ST3GAL1: variants seen among roughly 807,000 people sequenced by gnomAD.
The protein encoded by ST3GAL1 is ST3 beta-galactoside alpha-2,3-sialyltransferase 1.
A neutral mutation model predicts 34.1 loss-of-function variants in ST3GAL1; 16 were observed. That is an observed-to-expected ratio of 0.47 (90% CI 0.32 to 0.71). The LOEUF (loss-of-function observed/expected upper bound fraction) is 0.71. Among genes scored for constraint, ST3GAL1 ranks in the 30% least tolerant of loss-of-function variants. The pLI is 0.04. For missense variants in ST3GAL1, 353 were observed against 447.4 expected, an observed-to-expected ratio of 0.79 and a Z score of 1.90; for synonymous variants, 191 against 184.7, an observed-to-expected ratio of 1.03 and a Z score of -0.28.
At chr8:133,565,135 T>C (rs1052626470) in intron 1 of ST3GAL1, among the ~76,000 whole-genome samples, 3 of 147,586 alleles carry the variant, frequency 2.0e-5, no homozygotes, top group Non-Finnish European at 4.5e-5. Context: ...TCAAATGAGA[T>C]AACAGCTCTG....
chr8:133,509,612 G>A (rs12678658), intron 2 of ST3GAL1, among the ~76,000 whole-genome samples: 2,888 of 152,348 alleles, frequency 0.019, 135 homozygotes, highest in East Asian at 0.18. Flanking sequence ...ACATGCCAGT[G>A]GGAGATCACA....
chr8:133,566,250 AAC>A (rs754056809), intron 1 of ST3GAL1, among the ~76,000 whole-genome samples: 4 of 152,174 alleles, frequency 2.6e-5, no homozygotes, highest in Non-Finnish European at 5.9e-5. Context: ...ATGCTCCCCC[AAC>A]ACAGTCATTA....
chr8:133,504,394 A>C (rs1817272653), intron 2 of ST3GAL1, among the ~76,000 whole-genome samples: 1 of 152,190 alleles, frequency 6.6e-6, no homozygotes, highest in East Asian at 1.9e-4. Context: ...ACCAAAACTC[A>C]ATCCAATCCA....
intron 2 of ST3GAL1, among the ~76,000 whole-genome samples, chr8:133,540,321 C>T (rs1366161879): frequency 6.6e-6 from 1 of 152,190 alleles, no homozygotes; most frequent in Non-Finnish European, 1.5e-5. Context: ...TGAACGACTG[C>T]CAGGTTGTCC....
At chr8:133,547,933 A>C (rs1482351045) in intron 1 of ST3GAL1, among the ~76,000 whole-genome samples, 1 of 152,156 alleles carries the variant, frequency 6.6e-6, no homozygotes, top group Non-Finnish European at 1.5e-5. Flanking sequence ...GCTCTTTTAG[A>C]GGGAGAGACA....
chr8:133,541,086 T>TATAGACATATATATAGAC (rs1818504215), intron 2 of ST3GAL1, among the ~76,000 whole-genome samples: 1 of 101,546 alleles, frequency 9.8e-6, no homozygotes, highest in Non-Finnish European at 1.9e-5. Flanking sequence ...TATAGACATA[T>TATAGACATATATATAGAC]ATATATAAAC....
At chr8:133,462,127 G>T in intron 8 of ST3GAL1, 133 bp from the exon 9 acceptor site, 2 of 1,329,580 alleles carry the variant, frequency 1.5e-6, no homozygotes, top group Non-Finnish European at 2.1e-6. Flanking sequence ...GCACTTGTGG[G>T]CTTCCATGCT....
chr8:133,473,391 T>G (rs555307115), intron 5 of ST3GAL1, among the ~76,000 whole-genome samples: 1 of 152,318 alleles, frequency 6.6e-6, no homozygotes, highest in East Asian at 1.9e-4. Flanking sequence ...AAGTTTCTCC[T>G]TTACCTGCTG....
chr8:133,532,428 C>A (rs1818182320), intron 2 of ST3GAL1, among the ~76,000 whole-genome samples: 1 of 151,928 alleles, frequency 6.6e-6, no homozygotes, highest in African/African-American at 2.4e-5. Flanking sequence ...CCACTGCACT[C>A]CAGCCTGGGT....
At chr8:133,526,132 CA>C (rs908929193) in intron 2 of ST3GAL1, among the ~76,000 whole-genome samples, 1 of 152,232 alleles carries the variant, frequency 6.6e-6, no homozygotes, top group Non-Finnish European at 1.5e-5. Context: ...TTTCAGCTCA[CA>C]AAGGTAGCCA....
intron 1 of ST3GAL1, among the ~76,000 whole-genome samples, chr8:133,550,997 C>T (rs1563738643): frequency 6.6e-6 from 1 of 152,164 alleles, no homozygotes; most frequent in African/African-American, 2.4e-5. Context: ...ATAGCTTTTC[C>T]TCTCCATGCA....
At chr8:133,529,507 A>G (rs2131041760) in intron 2 of ST3GAL1, among the ~76,000 whole-genome samples, 1 of 152,280 alleles carries the variant, frequency 6.6e-6, no homozygotes, top group African/African-American at 2.4e-5. Flanking sequence ...GAAGGTGAGG[A>G]CGCCAGGCGA....
At chr8:133,505,412 T>A (rs1433172489) in intron 2 of ST3GAL1, among the ~76,000 whole-genome samples, 2 of 152,142 alleles carry the variant, frequency 1.3e-5, no homozygotes, top group Admixed American at 6.5e-5. Flanking sequence ...GTAGAAATGA[T>A]GTAAACATGA....
At chr8:133,465,849 C>T (rs1319635436) in intron 6 of ST3GAL1, 45 bp downstream of exon 6, 1 of 1,579,154 alleles carries the variant, frequency 6.3e-7, no homozygotes, top group Non-Finnish European at 8.6e-7. Context: ...TCCAAGGGGC[C>T]CCTGGGTGCA....
chr8:133,494,011 AGT>A (rs925724154), intron 3 of ST3GAL1, among the ~76,000 whole-genome samples: 1 of 152,066 alleles, frequency 6.6e-6, no homozygotes, highest in Non-Finnish European at 1.5e-5. Flanking sequence ...AGCATGTCTG[AGT>A]GTGTGTGTGT....
intron 3 of ST3GAL1, among the ~76,000 whole-genome samples, chr8:133,485,838 T>C (rs1220098342): frequency 2.0e-5 from 3 of 151,418 alleles, no homozygotes; most frequent in Non-Finnish European, 4.4e-5. Context: ...CCACAAGGGG[T>C]GGGGGGCTGT....
At position 133,455,792 on chromosome 8, in the gene ST3GAL1, G is replaced by C. The variant is rs1439708201; in HGVS notation, c.*3972C>G. The C allele has an allele frequency of 1.4e-5, 2 of 146,394 alleles. No homozygotes were observed. Among genetic ancestry groups the C allele is most frequent in the African/African-American group, 5.0e-5 (2 of 39,758 alleles). 9.1% of individuals were successfully genotyped at this position (146,394 alleles called of 1,614,324 possible). A position where few individuals can be genotyped will look rare whatever the true frequency, so the allele number is the denominator to read the frequency against. ...TGATCCTTGCCAGCGGAGGGAGAGAGAGTTATCTTGGTTTCCTTTCACTTG... is the reference window on the plus strand; with the variant it reads ...TGATCCTTGCCAGCGGAGGGAGAGACAGTTATCTTGGTTTCCTTTCACTTG... On this transcript the variant is annotated 3_prime_UTR_variant, in exon 10 of 10. Transcript: ENST00000522652.
At chr8:133,478,959 G>C (rs1224967941) in intron 3 of ST3GAL1, among the ~76,000 whole-genome samples, 4 of 152,212 alleles carry the variant, frequency 2.6e-5, no homozygotes, top group African/African-American at 9.7e-5. Flanking sequence ...ACAGTCCAGA[G>C]GGAGAACTGA....
At chr8:133,525,201 G>A (rs1425894607) in intron 2 of ST3GAL1, among the ~76,000 whole-genome samples, 1 of 152,220 alleles carries the variant, frequency 6.6e-6, no homozygotes, top group Non-Finnish European at 1.5e-5. Context: ...TCCACAGGCA[G>A]GTCGTCCCAG....
Sources: gnomAD v4.1 joint callset for allele counts (sites outside exome capture counted in the v4.1 genomes callset) on GRCh38, gnomAD v4.1.1 for gene constraint, MANE v1.5 for transcripts, NCBI Gene and HGNC (gene_info 2026-07-23, HGNC 2026-07-21) for gene names.